The following TMEM106B variants were observed in gnomAD, a reference collection of about 807,000 sequenced individuals.
TMEM106B encodes transmembrane protein 106B.
In TMEM106B, 15 loss-of-function variants were observed where a neutral mutation model predicts 31.1. That is an observed-to-expected ratio of 0.48 (90% CI 0.32 to 0.74). The LOEUF is 0.74. Ranked by LOEUF, TMEM106B falls within the 30% of genes least tolerant of loss-of-function variation. The probability of loss-of-function intolerance (pLI) is 0.03; values close to 1 mark genes in which losing one functional copy is unlikely to be tolerated. For synonymous variants in TMEM106B, 126 were observed against 112.5 expected, an observed-to-expected ratio of 1.12 and a Z score of -0.76; for missense variants, 283 against 327.3, an observed-to-expected ratio of 0.86 and a Z score of 1.04.
chr7:12,218,439 T>C lies in TMEM106B; in HGVS notation c.218-19T>C. On this transcript the variant is annotated intron_variant, in intron 2 of 7. Transcript: ENST00000396668. ...TAACTAATCATAGTAATTTCTGAACTTACTTCTTTCACATTTAGGGCAAGA... is the reference window on the plus strand; with the variant it reads ...TAACTAATCATAGTAATTTCTGAACCTACTTCTTTCACATTTAGGGCAAGA... The C allele has an allele frequency of 6.2e-7, 1 of 1,606,984 alleles. No homozygotes were observed. Among genetic ancestry groups the C allele is most frequent in the South Asian group, 1.1e-5 (1 of 90,348 alleles).
intron 2 of TMEM106B, 59 bp downstream of exon 2, chr7:12,215,086 TAAAAA>T (rs1781660830): frequency 6.7e-7 from 1 of 1,485,668 alleles, no homozygotes; most frequent in South Asian, 1.3e-5. Flanking sequence ...TCAAGTATTA[TAAAAA>T]CTGTGGGTCT....
chr7:12,224,484 C>T lies in TMEM106B; in HGVS notation c.441+99C>T. The stretch of plus-strand genomic sequence containing the variant: ...GAGAAGAGATGTTTGTTAAATGTGA[C>T]ACTGGTCAGTGTGCTTTCTGTATGT... On this transcript the variant is annotated intron_variant, in intron 4 of 7. Transcript: ENST00000396668. The T allele has an allele frequency of 8.2e-6, 8 of 974,500 alleles. No homozygotes were observed. In the South Asian group the frequency reaches 1.4e-4, roughly 17 times the overall value. The allele number at this position is 974,500 out of a possible 1,614,324, so 60.4% of individuals were successfully genotyped here.
chr7:12,218,390 T>C (rs545874410), intron 2 of TMEM106B, 68 bp from the exon 3 acceptor site: 5 of 1,340,864 alleles, frequency 3.7e-6, no homozygotes, highest in African/African-American at 2.9e-5. Context: ...CAAACCAGAT[T>C]GTGATGGGGA....
Position 12,227,477 on chromosome 7 carries a change from T to C in TMEM106B, c.442-2202T>C, listed in dbSNP as rs950426236. ...CATGTGTAAAGGATACACACATTCA[T>C]TCACATATATACAAATGCACATTTC... On this transcript the variant is annotated intron_variant, in intron 4 of 7. Transcript: ENST00000396668. Among the ~76,000 whole-genome samples the C allele has an allele frequency of 4.6e-5, 7 of 152,050 alleles. 1 individual carries two copies. Among genetic ancestry groups the C allele is most frequent in the South Asian group, 4.1e-4 (2 of 4,828 alleles).
intron 7 of TMEM106B, chr7:12,231,357 G>C (rs1215596464): frequency 2.5e-6 from 1 of 401,026 alleles, no homozygotes; most frequent in Non-Finnish European, 4.4e-6. Context: ...CAGGAAAATG[G>C]AAAGGATACA....
At position 12,233,289 on chromosome 7, in the gene TMEM106B, T is replaced by G. The variant is rs1782064426; in HGVS notation, c.*1314T>G. The G allele has an allele frequency of 6.7e-6, 1 of 149,858 alleles. No individual in the cohort carries two copies. The highest frequency in any genetic ancestry group is 1.5e-5 in the Non-Finnish European group (1 of 67,310). The allele number at this position is 149,858 out of a possible 1,614,324, so 9.3% of individuals were successfully genotyped here. ...CCAAGTTCTAGGGACATTTAAAATA[T>G]GTACTAAGTGTAGGAGTGGTTATGA... On this transcript the variant is annotated 3_prime_UTR_variant, in exon 8 of 8. Transcript: ENST00000396668.
At position 12,222,050 on chromosome 7, in the gene TMEM106B, A is replaced by G. The variant is rs932873428; in HGVS notation, c.282-2176A>G. 2.0e-5 allele frequency among the ~76,000 whole-genome samples: 3 copies of G among 152,148 alleles called. No homozygotes were observed. The South Asian group carries it at 6.2e-4, about 32-fold the overall frequency. On this transcript the variant is annotated intron_variant, in intron 3 of 7. Coordinates refer to ENST00000396668, the MANE Select transcript of TMEM106B (RefSeq NM_001134232.2). ...GAGTGATTTGTAAGATTATTAGAAAATTATATTTATCAATTGCTTTTGTCT... is the reference window on the plus strand; with the variant it reads ...GAGTGATTTGTAAGATTATTAGAAAGTTATATTTATCAATTGCTTTTGTCT...
intron 3 of TMEM106B, among the ~76,000 whole-genome samples, chr7:12,223,212 A>G (rs1423683944): frequency 6.6e-6 from 1 of 152,204 alleles, no homozygotes; most frequent in Non-Finnish European, 1.5e-5. Context: ...AAATGTAACA[A>G]CACCTTCAAA....
chr7:12,239,052 T>G lies in TMEM106B; in HGVS notation c.*7077T>G, dbSNP rs1782194563. On this transcript the variant is annotated 3_prime_UTR_variant, in exon 8 of 8. Coordinates refer to ENST00000396668, the MANE Select transcript of TMEM106B (RefSeq NM_001134232.2). ...ATGGCACCTTTTTGTAAAAGAAGGT[T>G]GTTTTATCTACATTGAAAATATATT... is the stretch of plus-strand genomic sequence containing the variant. 1 of 152,186 alleles carries G rather than the reference T, an allele frequency of 6.6e-6. No individual in the cohort carries two copies. Among genetic ancestry groups the G allele is most frequent in the South Asian group, 2.1e-4 (1 of 4,826 alleles). The allele number at this position is 152,186 out of a possible 1,614,324, so 9.4% of individuals were successfully genotyped here. A position where few individuals can be genotyped will look rare whatever the true frequency, so the allele number is the denominator to read the frequency against.
At chr7:12,222,719 G>A (rs1425249702) in intron 3 of TMEM106B, among the ~76,000 whole-genome samples, 1 of 152,212 alleles carries the variant, frequency 6.6e-6, no homozygotes, top group Non-Finnish European at 1.5e-5. Flanking sequence ...AGTGGGAACT[G>A]TTTTGATTGC....
At chr7:12,212,514 G>GA (rs1189726826) in intron 1 of TMEM106B, among the ~76,000 whole-genome samples, 1 of 150,698 alleles carries the variant, frequency 6.6e-6, no homozygotes, top group Non-Finnish European at 1.5e-5. Flanking sequence ...TTGAAAGAGT[G>GA]AAAATCTCAT....
intron 2 of TMEM106B, among the ~76,000 whole-genome samples, chr7:12,217,100 CAT>C (rs768569042): frequency 1.2e-4 from 18 of 151,800 alleles, no homozygotes; most frequent in Non-Finnish European, 1.0e-4. Flanking sequence ...GTAGAGAAAA[CAT>C]TGGTAATTCG....
rs1782263728 is a variant in TMEM106B at position 12,243,204 on chromosome 7, C to T, written c.*11229C>T. On this transcript the variant is annotated 3_prime_UTR_variant, in exon 8 of 8. Transcript: ENST00000396668. Reference sequence around the variant, plus strand: ...TTACTGTTGTATTAAAAAGTCAGTTCAGGCTTAATATATATGACTACTATA... The same window carrying T: ...TTACTGTTGTATTAAAAAGTCAGTTTAGGCTTAATATATATGACTACTATA... 1.3e-5 allele frequency: 2 copies of T among 152,018 alleles called. No individual in the cohort carries two copies. The highest frequency in any genetic ancestry group is 3.9e-4 in the East Asian group (2 of 5,190). The allele number at this position is 152,018 out of a possible 1,614,324, so 9.4% of individuals were successfully genotyped here. A position where few individuals can be genotyped will look rare whatever the true frequency, so the allele number is the denominator to read the frequency against.
rs1005494215 is a variant in TMEM106B, at chr7:12,241,670, G to C, written c.*9695G>C. 6.6e-6 allele frequency: 1 copy of C among 152,136 alleles called. No individual in the cohort carries two copies. The highest frequency in any genetic ancestry group is 1.5e-5 in the Non-Finnish European group (1 of 68,044). 9.4% of individuals were successfully genotyped at this position (152,136 alleles called of 1,614,324 possible). On this transcript the variant is annotated 3_prime_UTR_variant, in exon 8 of 8. Transcript: ENST00000396668. ...CTATCATTGATGGACATTTGGGTTG[G>C]TTCCAAGTCTTTACTATTGTGAACA...
chr7:12,232,671 ATCT>A lies in TMEM106B; in HGVS notation c.*699_*701del, dbSNP rs1562710460. 1 of 152,304 alleles carries A rather than the reference ATCT, an allele frequency of 6.6e-6. No individual in the cohort carries two copies. The highest frequency in any genetic ancestry group is 2.4e-5 in the African/African-American group (1 of 41,432). The allele number at this position is 152,304 out of a possible 1,614,324, so 9.4% of individuals were successfully genotyped here. On this transcript the variant is annotated 3_prime_UTR_variant, in exon 8 of 8. Coordinates refer to ENST00000396668, the MANE Select transcript of TMEM106B (RefSeq NM_001134232.2). ...TATAGTTTTGTGAAATCTTTGTGTG[ATCT>A]TCAAACATTATCATTTAATGTACAA... is the stretch of plus-strand genomic sequence containing the variant.
At chr7:12,225,771 G>C (rs1296540027) in intron 4 of TMEM106B, among the ~76,000 whole-genome samples, 1 of 151,928 alleles carries the variant, frequency 6.6e-6, no homozygotes, top group Non-Finnish European at 1.5e-5. Flanking sequence ...TTGTCAGATG[G>C]GTAGATAGCA....
At chr7:12,231,193 A>C (rs73677559) in intron 7 of TMEM106B, 78 bp downstream of exon 7, 129,192 of 1,035,458 alleles carry the variant, frequency 0.12, 9,192 homozygotes, top group Non-Finnish European at 0.14. Context: ...AATATACACA[A>C]CATCTTTATA....
intron 3 of TMEM106B, among the ~76,000 whole-genome samples, chr7:12,219,314 T>C (rs868630069): frequency 4.6e-5 from 7 of 152,154 alleles, no homozygotes; most frequent in African/African-American, 1.4e-4. Context: ...TATTTTCAAA[T>C]ACTTTGTATA....
rs1491252802 is a variant in TMEM106B at position 12,235,552 on chromosome 7, CAT to C, written c.*3580_*3581del. On this transcript the variant is annotated 3_prime_UTR_variant, in exon 8 of 8. Transcript: ENST00000396668. ...ACCATCAAAAACACAATTAAAGTAA[CAT>C]ATTAGGAGACTTGAAACTTCAGCCT... 6.6e-6 allele frequency: 1 copy of C among 151,810 alleles called. No individual in the cohort carries two copies. The highest frequency in any genetic ancestry group is 2.4e-5 in the African/African-American group (1 of 41,400). The allele number at this position is 151,810 out of a possible 1,614,324, so 9.4% of individuals were successfully genotyped here.
Sources: gnomAD v4.1 joint callset for allele counts (sites outside exome capture counted in the v4.1 genomes callset) on GRCh38, gnomAD v4.1.1 for gene constraint, MANE v1.5 for transcripts, NCBI Gene and HGNC (gene_info 2026-07-23, HGNC 2026-07-21) for gene names.